The following ZNF254 variants were observed in gnomAD, a reference collection of about 807,000 sequenced individuals.
The protein encoded by ZNF254 is zinc finger protein 254.
Under a neutral mutation model 12.4 loss-of-function variants are expected in ZNF254, and 10 were observed. The ratio of observed to expected loss-of-function variants is 0.80; its 90% confidence interval spans 0.50 to 1.36. The LOEUF (loss-of-function observed/expected upper bound fraction) is 1.36, where lower values mean the gene tolerates loss of function less well. ZNF254 is among the 40% of genes most tolerant of loss of function. The pLI is 0.00. For missense variants in ZNF254, 996 were observed against 763.9 expected (o/e 1.30, Z -3.58); for synonymous variants, 305 against 253.4 (o/e 1.20, Z -1.93).
At chr19:24,084,677 G>T (rs1307880086), upstream of ZNF254, among the ~76,000 whole-genome samples, 3 of 152,038 alleles carry the variant, frequency 2.0e-5, no homozygotes, top group African/African-American at 7.2e-5. Flanking sequence ...ACCCAGAATA[G>T]AGTGCAGTGG....
intron 2 of ZNF254, among the ~76,000 whole-genome samples, chr19:24,046,881 T>G (rs1889195270): frequency 6.6e-6 from 1 of 150,526 alleles, no homozygotes. Context: ...TTTTTTTCCC[T>G]TGAGATAGAG....
At chr19:24,095,136 A>G (rs1373974096) in intron 1 of ZNF254, among the ~76,000 whole-genome samples, 3 of 152,190 alleles carry the variant, frequency 2.0e-5, no homozygotes, top group East Asian at 1.9e-4. Flanking sequence ...TTCTGCATCT[A>G]TTGTGGTAAT....
intron 2 of ZNF254, among the ~76,000 whole-genome samples, chr19:24,081,486 T>C (rs985818669): frequency 2.0e-5 from 3 of 152,142 alleles, no homozygotes; most frequent in Non-Finnish European, 2.9e-5. Context: ...CAATAAAAAA[T>C]AGTTAAACAT....
intron 1 of ZNF254, among the ~76,000 whole-genome samples, chr19:24,037,866 C>T (rs978598655): frequency 2.0e-5 from 3 of 152,200 alleles, no homozygotes; most frequent in Non-Finnish European, 4.4e-5. Context: ...GCCTCGGCCT[C>T]CCAGAGTGCT....
At chr19:24,114,980 A>G (rs1973941300) in intron 3 of ZNF254, among the ~76,000 whole-genome samples, 1 of 152,298 alleles carries the variant, frequency 6.6e-6, no homozygotes, top group South Asian at 2.1e-4. Flanking sequence ...GTGAGTTACC[A>G]TTTCACACCA....
intron 2 of ZNF254, chr19:24,080,415 T>C (rs954518022): frequency 2.6e-5 from 4 of 152,206 alleles, no homozygotes; most frequent in Non-Finnish European, 5.9e-5. Flanking sequence ...GAACTAATGA[T>C]GGGTAAAACA....
intron 1 of ZNF254, among the ~76,000 whole-genome samples, chr19:24,087,612 G>T (rs1334186287): frequency 6.6e-6 from 1 of 152,186 alleles, no homozygotes; most frequent in Non-Finnish European, 1.5e-5. Context: ...ATTGTTCAGG[G>T]ACCCGGGGAG....
intron 2 of ZNF254, among the ~76,000 whole-genome samples, chr19:24,069,049 C>T (rs1193590468): frequency 3.3e-5 from 5 of 151,944 alleles, no homozygotes; most frequent in Non-Finnish European, 7.4e-5. Context: ...CTTTGTCACC[C>T]AGGCTAAAGT....
At chr19:24,100,020 G>GTGCA (rs1196655885) in intron 1 of ZNF254, among the ~76,000 whole-genome samples, 1 of 152,146 alleles carries the variant, frequency 6.6e-6, no homozygotes, top group East Asian at 1.9e-4. Flanking sequence ...ATGCTCTAAA[G>GTGCA]TGCATGCTGT....
At chr19:24,106,104 T>C (rs371773655) in intron 2 of ZNF254, 38 bp downstream of exon 2, 3 of 1,527,522 alleles carry the variant, frequency 2.0e-6, no homozygotes, top group Non-Finnish European at 2.6e-6. Flanking sequence ...TCACATAAAC[T>C]AAAGCTTTTA....
chr19:24,116,353 C>G (rs763817280), intron 3 of ZNF254, among the ~76,000 whole-genome samples: 20 of 152,108 alleles, frequency 1.3e-4, no homozygotes, highest in Non-Finnish European at 2.4e-4. Context: ...TGGATTTGGT[C>G]TTTTCACATA....
intron 2 of ZNF254, among the ~76,000 whole-genome samples, chr19:24,053,564 C>G (rs1411114181): frequency 6.6e-6 from 1 of 151,946 alleles, no homozygotes; most frequent in Non-Finnish European, 1.5e-5. Context: ...GGCCTAGTGC[C>G]CAGGTGATAT....
Position 24,129,507 on chromosome 19 carries a change from G to T in ZNF254, c.*1527G>T, listed in dbSNP as rs950051963. 5.3e-5 allele frequency: 8 copies of T among 152,010 alleles called. No homozygotes were observed. The highest frequency in any genetic ancestry group is 1.9e-4 in the East Asian group (1 of 5,174). 9.4% of individuals were successfully genotyped at this position (152,010 alleles called of 1,614,324 possible). On this transcript the variant is annotated 3_prime_UTR_variant, in exon 4 of 4. Coordinates refer to ENST00000357002, the MANE Select transcript of ZNF254 (RefSeq NM_203282.4). ...GGCTTTAAATTGCCAATAAGTTAAA[G>T]AATATTGTTCCTATGGGTTAAATTT...
At chr19:24,093,016 T>C (rs2145692174) in intron 1 of ZNF254, among the ~76,000 whole-genome samples, 1 of 152,316 alleles carries the variant, frequency 6.6e-6, no homozygotes, top group African/African-American at 2.4e-5. Flanking sequence ...TGAGATTGTA[T>C]CTCGTGGTTT....
intron 2 of ZNF254, among the ~76,000 whole-genome samples, chr19:24,060,625 A>G (rs1327179736): frequency 6.6e-6 from 1 of 152,112 alleles, no homozygotes; most frequent in Non-Finnish European, 1.5e-5. Flanking sequence ...GCACACAAAA[A>G]AGAGAGTGAC....
chr19:24,123,566 A>C (rs1384238820), intron 3 of ZNF254, among the ~76,000 whole-genome samples: 1 of 151,904 alleles, frequency 6.6e-6, no homozygotes, highest in African/African-American at 2.4e-5. Flanking sequence ...TATTTGCTTT[A>C]TATATTTGGA....
intron 3 of ZNF254, among the ~76,000 whole-genome samples, chr19:24,122,250 A>T (rs1974532503): frequency 6.6e-6 from 1 of 151,784 alleles, no homozygotes; most frequent in African/African-American, 2.4e-5. Flanking sequence ...TTTGAGGTGG[A>T]GTCTTGCTCT....
chr19:24,109,407 G>A (rs563506523), intron 3 of ZNF254, among the ~76,000 whole-genome samples: 8 of 152,060 alleles, frequency 5.3e-5, no homozygotes, highest in African/African-American at 1.9e-4. Context: ...GATTTTATGA[G>A]TAAACATTTC....
chr19:24,115,930 T>C (rs1027484822), intron 3 of ZNF254, among the ~76,000 whole-genome samples: 1 of 152,144 alleles, frequency 6.6e-6, no homozygotes, highest in African/African-American at 2.4e-5. Flanking sequence ...GTCTGTAAAG[T>C]ATTTTATTTC....
Sources: gnomAD v4.1 joint callset for allele counts (sites outside exome capture counted in the v4.1 genomes callset) on GRCh38, gnomAD v4.1.1 for gene constraint, MANE v1.5 for transcripts, NCBI Gene and HGNC (gene_info 2026-07-23, HGNC 2026-07-21) for gene names.